The following ADH5 variants were observed in gnomAD, a reference collection of about 807,000 sequenced individuals.
ADH5 encodes alcohol dehydrogenase class-3.
Under a neutral mutation model 40.3 loss-of-function variants are expected in ADH5, and 32 were observed. That is an observed-to-expected ratio of 0.79 (90% CI 0.60 to 1.07). The LOEUF (loss-of-function observed/expected upper bound fraction) is 1.07, where lower values mean the gene tolerates loss of function less well. ADH5 is among the 50% of genes least tolerant of loss of function. The pLI, the probability that ADH5 is intolerant of heterozygous loss-of-function variation, is 0.00. For missense variants in ADH5, 353 were observed against 460.5 expected (o/e 0.77, Z 2.14); for synonymous variants, 125 against 154.3 (o/e 0.81, Z 1.41).
intron 2 of ADH5, among the ~76,000 whole-genome samples, chr4:99,084,253 T>C (rs901612658): frequency 6.6e-6 from 1 of 152,024 alleles, no homozygotes; most frequent in Non-Finnish European, 1.5e-5. Context: ...AAATAGGAGG[T>C]TGGCACAAGA....
chr4:99,081,150 G>A (rs553200301), intron 4 of ADH5, among the ~76,000 whole-genome samples: 1 of 152,242 alleles, frequency 6.6e-6, no homozygotes, highest in East Asian at 1.9e-4. Context: ...TCTTGCTTCT[G>A]TAATATGCTC....
rs1727851078 is a variant in ADH5, at chr4:99,072,345, G to A, written c.*72C>T. On this transcript the variant is annotated 3_prime_UTR_variant, in exon 9 of 9. Coordinates refer to ENST00000296412, the MANE Select transcript of ADH5 (RefSeq NM_000671.4). ...AGCTCTACGAGGCTGTGAGGTTGGA[G>A]GCGCTTCTCCCTGCCTGTTAAGCTG... 1.4e-6 allele frequency: 2 copies of A among 1,464,664 alleles called. No individual in the cohort carries two copies. Among genetic ancestry groups the A allele is most frequent in the Non-Finnish European group, 1.9e-6 (2 of 1,054,330 alleles). 90.7% of individuals were successfully genotyped at this position (1,464,664 alleles called of 1,614,324 possible).
chr4:99,085,545 A>T, intron 1 of ADH5: 1 of 323,310 alleles, frequency 3.1e-6, no homozygotes, highest in East Asian at 8.1e-5. Flanking sequence ...CAGGTCTGGC[A>T]TGGGGTCCAA....
At chr4:99,083,513 T>C (rs537394807) in intron 2 of ADH5, among the ~76,000 whole-genome samples, 1 of 145,096 alleles carries the variant, frequency 6.9e-6, no homozygotes, top group East Asian at 2.1e-4. Context: ...AGCAGGAGAA[T>C]TGCTTGAACC....
At chr4:99,087,983 C>T (rs530125061) in intron 1 of ADH5, among the ~76,000 whole-genome samples, 3 of 152,270 alleles carry the variant, frequency 2.0e-5, no homozygotes, top group Admixed American at 1.3e-4. Context: ...TCTTTACTGT[C>T]TAATTTGTAT....
chr4:99,071,591 A>C lies in ADH5; in HGVS notation c.*826T>G, dbSNP rs1727835029. On this transcript the variant is annotated 3_prime_UTR_variant, in exon 9 of 9. Coordinates refer to ENST00000296412, the MANE Select transcript of ADH5 (RefSeq NM_000671.4). ...TTAAAAATATATAAAACAGTACTAA[A>C]GAGTAGATGGTTTAGGTTATACACA... The C allele has an allele frequency of 1.3e-5, 2 of 152,242 alleles. No homozygotes were observed. The highest frequency in any genetic ancestry group is 6.5e-5 in the Admixed American group (1 of 15,282). The allele number at this position is 152,242 out of a possible 1,614,324, so 9.4% of individuals were successfully genotyped here.
chr4:99,085,568 C>A, intron 1 of ADH5: 2 of 342,128 alleles, frequency 5.8e-6, no homozygotes, highest in African/African-American at 4.3e-5. Context: ...AATCTGCATG[C>A]TTAACATATG....
At chr4:99,072,785 C>CATTT in intron 7 of ADH5, 74 bp from the exon 8 acceptor site, 1 of 1,392,640 alleles carries the variant, frequency 7.2e-7, no homozygotes, top group South Asian at 1.4e-5. Flanking sequence ...GGACAAAAGG[C>CATTT]ATTTAAAAGA....
In ADH5 at chr4:99,086,504, C is replaced by T. The variant is rs28730574; in HGVS notation, c.13-1288G>A. Among the ~76,000 whole-genome samples, 1,021 of 151,774 alleles carry T rather than the reference C, an allele frequency of 6.7e-3. 7 individuals are homozygous for T. The highest frequency in any genetic ancestry group is 9.5e-3 in the Non-Finnish European group (648 of 67,890). On this transcript the variant is annotated intron_variant, in intron 1 of 8. Transcript: ENST00000296412. ...GACAGGCACAAAGTAATACAGAAAG[C>T]AAAAAAAGTAGGTTAAGAGTGTAAC...
rs770384208 is a variant in ADH5, at chr4:99,072,453, A to C, written c.1101-12T>G. 6.2e-7 allele frequency: 1 copy of C among 1,613,118 alleles called. No individual in the cohort carries two copies. Among genetic ancestry groups the C allele is most frequent in the East Asian group, 2.2e-5 (1 of 44,860 alleles). Reference sequence around the variant, plus strand: ...CAACAGTTCGAATGCTGTAAAAGGAAGCAACATACTAAGTTTTAAATGATA... The same window carrying C: ...CAACAGTTCGAATGCTGTAAAAGGACGCAACATACTAAGTTTTAAATGATA... On this transcript the variant is annotated splice_polypyrimidine_tract_variant and intron_variant, in intron 8 of 8. Transcript: ENST00000296412.
chr4:99,088,606 G>A (rs1188229154), intron 1 of ADH5, 83 bp downstream of exon 1: 1 of 1,392,236 alleles, frequency 7.2e-7, no homozygotes, highest in Non-Finnish European at 9.6e-7. Flanking sequence ...GCCGAGCCTC[G>A]CGCGCCCCCG....
At position 99,076,473 on chromosome 4, in the gene ADH5, C is replaced by G. The variant is rs779584651; in HGVS notation, c.644G>C (p.Gly215Ala). ...LAVIMGCKVA[G>A]ASRIIGVDIN... ...GTCCACACCAATGATCCGGGAAGCA[C>G]CAGCCACTTTACAGCCCATGATAAC... is the stretch of plus-strand genomic sequence containing the variant. The change falls in exon 6 of 9, where the codon GGT becomes GCT. Residue 215 changes from glycine to alanine, a missense_variant. Gly to Ala is a moderately conservative substitution (Grantham distance 60). Transcript: ENST00000296412. 4 of 1,614,176 alleles carry G rather than the reference C, an allele frequency of 2.5e-6. No homozygotes were observed. Among genetic ancestry groups the G allele is most frequent in the Admixed American group, 1.7e-5 (1 of 60,020 alleles).
chr4:99,075,062 A>C lies in ADH5; in HGVS notation c.826-13T>G. 1 of 1,570,972 alleles carries C rather than the reference A, an allele frequency of 6.4e-7. No homozygotes were observed. The highest frequency in any genetic ancestry group is 8.7e-7 in the Non-Finnish European group (1 of 1,155,018). Reference sequence around the variant, plus strand: ...CAAGTGCTGCTCTCTGCAGGCACAGAGATATGACCAAATCACAGAAGTCAG... The same window carrying C: ...CAAGTGCTGCTCTCTGCAGGCACAGCGATATGACCAAATCACAGAAGTCAG... On this transcript the variant is annotated splice_polypyrimidine_tract_variant and intron_variant, in intron 6 of 8. Transcript: ENST00000296412.
At chr4:99,083,429 G>C (rs562726431) in intron 2 of ADH5, among the ~76,000 whole-genome samples, 1 of 151,606 alleles carries the variant, frequency 6.6e-6, no homozygotes, top group East Asian at 1.9e-4. Flanking sequence ...GTGAAACTCC[G>C]TCTCTACTAA....
intron 3 of ADH5, 96 bp downstream of exon 3, chr4:99,081,879 C>T (rs943681726): frequency 8.1e-7 from 1 of 1,228,508 alleles, no homozygotes; most frequent in African/African-American, 1.5e-5. Flanking sequence ...TTAGATGATA[C>T]CTATTCATAA....
At chr4:99,079,748 G>A in intron 4 of ADH5, 1 of 264,568 alleles carries the variant, frequency 3.8e-6, no homozygotes, top group Non-Finnish European at 7.4e-6. Flanking sequence ...CCTTTTCTGT[G>A]TCAAGGAGTT....
chr4:99,081,481 T>TCTATTC, intron 3 of ADH5, 29 bp from the exon 4 acceptor site: 1 of 1,454,636 alleles, frequency 6.9e-7, no homozygotes, highest in Non-Finnish European at 9.6e-7. Flanking sequence ...ACATCCTGAA[T>TCTATTC]AGGTAGTATC....
intron 2 of ADH5, among the ~76,000 whole-genome samples, chr4:99,083,637 C>T (rs1399055432): frequency 3.5e-5 from 5 of 143,024 alleles, no homozygotes; most frequent in African/African-American, 1.0e-4. Context: ...GATAAAAAGA[C>T]GTTATTTGGT....
At chr4:99,088,652 C>G (rs760608338) in intron 1 of ADH5, 37 bp downstream of exon 1, 50 of 1,602,044 alleles carry the variant, frequency 3.1e-5, no homozygotes, top group Non-Finnish European at 4.1e-5. Flanking sequence ...TGCACTCCCT[C>G]CCTTGGACTC....
Sources: gnomAD v4.1 joint callset for allele counts (sites outside exome capture counted in the v4.1 genomes callset) on GRCh38, gnomAD v4.1.1 for gene constraint, MANE v1.5 for transcripts, NCBI Gene and HGNC (gene_info 2026-07-23, HGNC 2026-07-21) for gene names.